The following POTEI variants were observed in gnomAD, a reference collection of about 807,000 sequenced individuals.
POTEI encodes the protein POTE ankyrin domain family member I, also known as POTE ankyrin domain family, member I.
Under a neutral mutation model 43.4 loss-of-function variants are expected in POTEI, and 14 were observed. The ratio of observed to expected loss-of-function variants is 0.32; its 90% CI spans 0.21 to 0.50. The LOEUF is 0.50. POTEI is among the 20% of genes least tolerant of loss of function. The pLI is 0.98. For missense variants in POTEI, 235 were observed against 795.4 expected, an observed-to-expected ratio of 0.30 and a Z score of 8.47; for synonymous variants, 95 against 297.9, an observed-to-expected ratio of 0.32 and a Z score of 7.01.
chr2:130,474,053 A>C (rs531572344), intron 13 of POTEI, among the ~76,000 whole-genome samples: 1 of 147,072 alleles, frequency 6.8e-6, no homozygotes, highest in East Asian at 2.0e-4. Context: ...TGGCTGGTGA[A>C]ATAATCTGTA....
intron 6 of POTEI, among the ~76,000 whole-genome samples, chr2:130,493,206 G>C (rs1406360858): frequency 4.3e-5 from 3 of 69,868 alleles, no homozygotes; most frequent in Non-Finnish European, 9.4e-5. Context: ...TATGCTCCTT[G>C]CTCGCTCTTT....
chr2:130,477,584 T>G (rs1490615965), intron 10 of POTEI, among the ~76,000 whole-genome samples: 9 of 148,360 alleles, frequency 6.1e-5, no homozygotes, highest in African/African-American at 2.0e-4. Context: ...AAACTGTACA[T>G]TATTCCTCCA....
chr2:130,485,279 A>AG (rs1683558720), intron 9 of POTEI, among the ~76,000 whole-genome samples: 1 of 150,452 alleles, frequency 6.6e-6, no homozygotes, highest in Admixed American at 6.6e-5. Context: ...GCCAAGGCAG[A>AG]CAGATCACCT....
At chr2:130,483,423 T>C (rs1267621420) in intron 9 of POTEI, among the ~76,000 whole-genome samples, 2 of 138,252 alleles carry the variant, frequency 1.4e-5, no homozygotes, top group Non-Finnish European at 3.0e-5. Flanking sequence ...CAGTTTACCA[T>C]AATTACAATT....
intron 14 of POTEI, among the ~76,000 whole-genome samples, chr2:130,465,017 T>C (rs1379807765): frequency 1.5e-5 from 2 of 136,878 alleles, no homozygotes; most frequent in East Asian, 2.3e-4. Context: ...TTATTTGCCA[T>C]TGCGGTAACT....
At chr2:130,492,915 C>A (rs1175005388) in intron 6 of POTEI, among the ~76,000 whole-genome samples, 4 of 151,822 alleles carry the variant, frequency 2.6e-5, no homozygotes, top group Middle Eastern at 3.4e-3. Flanking sequence ...TCTTCCTACC[C>A]AGTCCATAAA....
At chr2:130,470,831 A>C (rs201597185) in intron 13 of POTEI, among the ~76,000 whole-genome samples, 535 of 3,584 alleles carry the variant, frequency 0.15, 41 homozygotes, top group Admixed American at 0.22. Flanking sequence ...GGAAACAGTA[A>C]GCTAGAAGAA....
rs1210165061 is a variant in POTEI, at chr2:130,460,206, G to C, written c.*2610C>G. 1 of 151,206 alleles carries C rather than the reference G, an allele frequency of 6.6e-6. No individual in the cohort carries two copies. The highest frequency in any genetic ancestry group is 1.5e-5 in the Non-Finnish European group (1 of 68,002). The allele number at this position is 151,206 out of a possible 1,614,324, so 9.4% of individuals were successfully genotyped here. A position where few individuals can be genotyped will look rare whatever the true frequency, so the allele number is the denominator to read the frequency against. ...GCTGGGGCCATGGGAGAGGCGAGCA[G>C]ACTAAGGAGTGCTGAGATCAGACCA... On this transcript the variant is annotated 3_prime_UTR_variant, in exon 15 of 15. Transcript: ENST00000451531.
chr2:130,461,293 G>A lies in POTEI; in HGVS notation c.*1523C>T, dbSNP rs141645365. On this transcript the variant is annotated 3_prime_UTR_variant, in exon 15 of 15. Coordinates refer to ENST00000451531, the MANE Select transcript of POTEI (RefSeq NM_001277406.2). ...GCCCTAAGGCTGAAATGCCTGGGTCGCCCCAACAGCAAAGATGACAATCTG... is the reference window on the plus strand; with the variant it reads ...GCCCTAAGGCTGAAATGCCTGGGTCACCCCAACAGCAAAGATGACAATCTG... 0.012 allele frequency: 1,778 copies of A among 152,130 alleles called. 22 individuals are homozygous for A. The highest frequency in any genetic ancestry group is 0.017 in the Non-Finnish European group (1,162 of 68,094). The allele number at this position is 152,130 out of a possible 1,614,324, so 9.4% of individuals were successfully genotyped here.
intron 9 of POTEI, among the ~76,000 whole-genome samples, chr2:130,483,616 A>C: frequency 3.0e-5 from 1 of 33,312 alleles, no homozygotes; most frequent in Non-Finnish European, 7.7e-5. Context: ...TTTTTTTGAG[A>C]CGGAGTCTTG....
At chr2:130,479,177 T>G (rs1683308796) in intron 10 of POTEI, among the ~76,000 whole-genome samples, 1 of 146,402 alleles carries the variant, frequency 6.8e-6, no homozygotes, top group Non-Finnish European at 1.5e-5. Context: ...CTTCTGCCTC[T>G]GTTTTATATT....
At chr2:130,488,610 T>A (rs1683651831) in intron 8 of POTEI, among the ~76,000 whole-genome samples, 1 of 127,830 alleles carries the variant, frequency 7.8e-6, no homozygotes, top group East Asian at 3.0e-4. Context: ...CATTAAACAG[T>A]CAGATTTAGA....
upstream of POTEI, chr2:130,509,510 A>T: frequency 4.6e-6 from 1 of 217,706 alleles, no homozygotes; most frequent in Admixed American, 9.6e-5. Context: ...AACCCAGCAG[A>T]GAAAAGGTCA....
At position 130,495,224 on chromosome 2, in the gene POTEI, A is replaced by T. The variant is rs1451997582; in HGVS notation, c.1126+1328T>A. 4.3e-5 allele frequency among the ~76,000 whole-genome samples: 2 copies of T among 46,574 alleles called. 1 individual carries two copies. The highest frequency in any genetic ancestry group is 5.9e-4 in the Admixed American group (2 of 3,396). The allele number at this position is 46,574 out of a possible 152,430, so 30.6% of individuals were successfully genotyped here. A position where few individuals can be genotyped will look rare whatever the true frequency, so the allele number is the denominator to read the frequency against. On this transcript the variant is annotated intron_variant, in intron 6 of 14. Transcript: ENST00000451531. Reference sequence around the variant, plus strand: ...GCACATAATCAATATATAATAAATCATAATTATAAGCTTCCAGTGGGCATC... The same window carrying T: ...GCACATAATCAATATATAATAAATCTTAATTATAAGCTTCCAGTGGGCATC...
chr2:130,477,600 C>A (rs1190085699), intron 10 of POTEI, among the ~76,000 whole-genome samples: 4 of 147,306 alleles, frequency 2.7e-5, no homozygotes, highest in Non-Finnish European at 5.9e-5. Context: ...CTCCACATGT[C>A]TGTCCCCTCT....
At chr2:130,497,039 T>C (rs1416667244) in intron 5 of POTEI, among the ~76,000 whole-genome samples, 1 of 23,262 alleles carries the variant, frequency 4.3e-5, no homozygotes, top group African/African-American at 8.1e-5. Flanking sequence ...GAGATAACAT[T>C]TTTTAAATGC....
intron 13 of POTEI, among the ~76,000 whole-genome samples, chr2:130,466,576 TGAGA>T (rs1190969050): frequency 2.9e-5 from 3 of 103,470 alleles, no homozygotes; most frequent in African/African-American, 1.1e-4. Context: ...TATCTGTGTA[TGAGA>T]GAGAGATGTG....
At chr2:130,477,528 G>T (rs1683244173) in intron 10 of POTEI, among the ~76,000 whole-genome samples, 1 of 150,218 alleles carries the variant, frequency 6.7e-6, no homozygotes, top group Non-Finnish European at 1.5e-5. Flanking sequence ...CTTCCTTGAG[G>T]CTGCCTTAGT....
chr2:130,473,897 C>A (rs1683089881), intron 13 of POTEI, among the ~76,000 whole-genome samples: 1 of 120,674 alleles, frequency 8.3e-6, no homozygotes, highest in Non-Finnish European at 1.7e-5. Context: ...TCAAATGCCA[C>A]ATATTCTTAC....
Sources: allele counts gnomAD v4.1 joint callset (sites outside exome capture counted in the v4.1 genomes callset), GRCh38; gene constraint gnomAD v4.1.1; transcripts MANE v1.5; gene names NCBI Gene and HGNC (gene_info 2026-07-23, HGNC 2026-07-21).